The following SRPK2 variants were observed in gnomAD, a reference collection of about 807,000 sequenced individuals.
The protein encoded by SRPK2 is SFRS protein kinase 2.
SRPK2 carries 21 observed loss-of-function variants against 90.8 expected under a neutral mutation model. The observed-to-expected ratio is 0.23, with a 90% confidence interval of 0.16 to 0.33. The LOEUF is 0.33. SRPK2 is among the 10% of genes least tolerant of loss of function. SRPK2 has a pLI of 1.00. For missense variants in SRPK2, 620 were observed against 869.0 expected, an observed-to-expected ratio of 0.71 and a Z score of 3.60; for synonymous variants, 288 against 311.1, an observed-to-expected ratio of 0.93 and a Z score of 0.78.
chr7:105,230,977 G>C (rs973253395), intron 2 of SRPK2, among the ~76,000 whole-genome samples: 2 of 152,154 alleles, frequency 1.3e-5, no homozygotes, highest in Admixed American at 6.5e-5. Context: ...GGGTACATGT[G>C]CATGTTTGTC....
At chr7:105,233,874 A>G (rs1339439415) in intron 2 of SRPK2, among the ~76,000 whole-genome samples, 2 of 152,130 alleles carry the variant, frequency 1.3e-5, no homozygotes, top group African/African-American at 2.4e-5. Flanking sequence ...AAATGAAAAT[A>G]AAAATAAAAT....
At chr7:105,214,003 TC>T (rs1221477236) in intron 2 of SRPK2, among the ~76,000 whole-genome samples, 1 of 152,170 alleles carries the variant, frequency 6.6e-6, no homozygotes, top group Non-Finnish European at 1.5e-5. Flanking sequence ...ATAAGGGAAA[TC>T]CTAAACCTGT....
intron 2 of SRPK2, among the ~76,000 whole-genome samples, chr7:105,359,079 C>T (rs761177179): frequency 1.3e-5 from 2 of 151,632 alleles, no homozygotes; most frequent in Middle Eastern, 3.2e-3. Context: ...CCAGGCCCCA[C>T]CACCAACACT....
At chr7:105,128,770 C>A (rs1379795268) in intron 13 of SRPK2, among the ~76,000 whole-genome samples, 1 of 152,178 alleles carries the variant, frequency 6.6e-6, no homozygotes, top group Non-Finnish European at 1.5e-5. Context: ...GCTATGTTGT[C>A]CAGGCTGGAC....
intron 2 of SRPK2, among the ~76,000 whole-genome samples, chr7:105,326,836 T>TG (rs1392376794): frequency 6.6e-6 from 1 of 152,008 alleles, no homozygotes; most frequent in African/African-American, 2.4e-5. Flanking sequence ...TGGAGGCAGG[T>TG]GGATCACCTG....
intron 3 of SRPK2, among the ~76,000 whole-genome samples, chr7:105,176,721 GTGTGTATGTA>G (rs756966882): frequency 2.1e-5 from 3 of 146,254 alleles, no homozygotes; most frequent in Non-Finnish European, 4.5e-5. Context: ...GTGTGTGTGT[GTGTGTATGTA>G]TGTATGTATG....
intron 13 of SRPK2, among the ~76,000 whole-genome samples, chr7:105,130,465 A>G (rs1801838218): frequency 6.6e-6 from 1 of 152,072 alleles, no homozygotes; most frequent in African/African-American, 2.4e-5. Context: ...TGGGAGGATC[A>G]CTTGAGCTTG....
chr7:105,368,373 A>T (rs977651694), intron 2 of SRPK2, among the ~76,000 whole-genome samples: 2 of 152,170 alleles, frequency 1.3e-5, no homozygotes, highest in African/African-American at 4.8e-5. Flanking sequence ...AAAAATTTTT[A>T]CTTTTTACTT....
intron 2 of SRPK2, among the ~76,000 whole-genome samples, chr7:105,324,046 G>T (rs1210232672): frequency 6.6e-6 from 1 of 150,834 alleles, no homozygotes; most frequent in Admixed American, 6.6e-5. Flanking sequence ...GCCCGGGCTG[G>T]AGTGCAATGG....
chr7:105,324,657 C>T (rs546196387), intron 2 of SRPK2, among the ~76,000 whole-genome samples: 4 of 152,096 alleles, frequency 2.6e-5, no homozygotes, highest in African/African-American at 9.7e-5. Flanking sequence ...GAGTCCGAGG[C>T]GGGTGGATCA....
At chr7:105,355,216 C>A (rs1391829533) in intron 2 of SRPK2, among the ~76,000 whole-genome samples, 1 of 152,112 alleles carries the variant, frequency 6.6e-6, no homozygotes, top group African/African-American at 2.4e-5. Flanking sequence ...GAAAATACAG[C>A]AGGGCACAGT....
upstream of SRPK2, among the ~76,000 whole-genome samples, chr7:105,392,954 A>C (rs1822219630): frequency 6.7e-6 from 1 of 150,236 alleles, no homozygotes; most frequent in Non-Finnish European, 1.5e-5. Flanking sequence ...CTGGGACTAC[A>C]GGCATGTACC....
rs1267661490 is a variant in SRPK2 at position 105,142,110 on chromosome 7, C to G, written c.1441G>C (p.Val481Leu). The G allele has an allele frequency of 1.2e-6, 2 of 1,614,042 alleles. No homozygotes were observed. Among genetic ancestry groups the G allele is most frequent in the African/African-American group, 1.3e-5 (1 of 74,908 alleles). Residue 481 changes from valine to leucine, a missense_variant, in exon 11 of 16, where the codon GTG becomes CTG. Coordinates refer to ENST00000393651, the MANE Select transcript of SRPK2 (RefSeq NM_182692.3). ...GTAAGTGGTGATCCCTCAGAAAGCA[C>G]AGAGCCGCAGGCCACAGGTTCTAAG... Reference protein sequence around the residue: ...GSLEPVACGSVLSEGSPLTEQ... With the variant: ...GSLEPVACGSLLSEGSPLTEQ...
Position 105,297,433 on chromosome 7 carries a change from T to A in SRPK2, c.71+91215A>T, listed in dbSNP as rs1049218716. 3.0e-6 allele frequency: 3 copies of A among 984,020 alleles called. No individual in the cohort carries two copies. In the African/African-American group the frequency reaches 5.2e-5, roughly 17 times the overall value. 61.0% of individuals were successfully genotyped at this position (984,020 alleles called of 1,614,324 possible). A position where few individuals can be genotyped will look rare whatever the true frequency, so the allele number is the denominator to read the frequency against. On this transcript the variant is annotated intron_variant, in intron 2 of 15. Coordinates refer to ENST00000393651, the MANE Select transcript of SRPK2 (RefSeq NM_182692.3). ...TACTTAATGTTACCTTATTGAACAT[T>A]TGCATATTTTTCAAAACACATTGGC...
chr7:105,237,629 A>G (rs1800296359), intron 2 of SRPK2, among the ~76,000 whole-genome samples: 1 of 152,214 alleles, frequency 6.6e-6, no homozygotes. Flanking sequence ...GAGGGCACAA[A>G]GCTTTTGCTG....
At chr7:105,362,473 C>T (rs956110227) in intron 2 of SRPK2, among the ~76,000 whole-genome samples, 3 of 149,418 alleles carry the variant, frequency 2.0e-5, no homozygotes, top group African/African-American at 2.5e-5. Flanking sequence ...GCTGAGATCA[C>T]GCCACTGCAC....
At chr7:105,320,129 C>T (rs1005881780) in intron 2 of SRPK2, among the ~76,000 whole-genome samples, 1 of 152,118 alleles carries the variant, frequency 6.6e-6, no homozygotes, top group African/African-American at 2.4e-5. Flanking sequence ...GTTGATTTTG[C>T]TATATATTTA....
chr7:105,143,627 T>C (rs1454096759), intron 9 of SRPK2: 1 of 352,536 alleles, frequency 2.8e-6, no homozygotes, highest in Non-Finnish European at 5.2e-6. Context: ...TTCGAAATTC[T>C]CTTGGCCTTA....
chr7:105,212,476 G>A (rs1796975336), intron 2 of SRPK2, among the ~76,000 whole-genome samples: 1 of 152,132 alleles, frequency 6.6e-6, no homozygotes, highest in South Asian at 2.1e-4. Flanking sequence ...CATGTCTCAG[G>A]GAACCACATC....
Sources: allele counts gnomAD v4.1 joint callset (sites outside exome capture counted in the v4.1 genomes callset), GRCh38; gene constraint gnomAD v4.1.1; transcripts MANE v1.5; gene names NCBI Gene and HGNC (gene_info 2026-07-23, HGNC 2026-07-21).